FIP1L1: variants seen among roughly 807,000 people sequenced by gnomAD.
The protein encoded by FIP1L1 is factor interacting with PAPOLA and CPSF1.
FIP1L1 carries 21 observed loss-of-function variants against 84.6 expected under a neutral mutation model. The observed-to-expected ratio is 0.25, with a 90% CI of 0.18 to 0.36. FIP1L1 has a LOEUF of 0.36. Ranked by LOEUF, FIP1L1 falls within the 10% of genes least tolerant of loss-of-function variation. The pLI, the probability that FIP1L1 is intolerant of heterozygous loss-of-function variation, is 1.00. For missense variants in FIP1L1, 526 were observed against 751.1 expected, an observed-to-expected ratio of 0.70 and a Z score of 3.50; for synonymous variants, 263 against 242.3, an observed-to-expected ratio of 1.09 and a Z score of -0.80.
At chr4:53,417,790 C>T (rs1302507087) in intron 11 of FIP1L1, among the ~76,000 whole-genome samples, 2 of 109,950 alleles carry the variant, frequency 1.8e-5, no homozygotes, top group East Asian at 6.3e-4. Flanking sequence ...CTCTCTCTCT[C>T]TCTCTCTCTC....
At chr4:53,453,258 C>T in intron 16 of FIP1L1, 125 bp downstream of exon 16, 1 of 1,069,470 alleles carries the variant, frequency 9.4e-7, no homozygotes, top group Non-Finnish European at 1.3e-6. Context: ...ATAGGAAAGC[C>T]ATCTTAAAAT....
chr4:53,392,554 T>C (rs1270343265), intron 9 of FIP1L1, among the ~76,000 whole-genome samples: 1 of 152,256 alleles, frequency 6.6e-6, no homozygotes, highest in African/African-American at 2.4e-5. Context: ...ATTGTCTATA[T>C]AGGCATTGAA....
intron 9 of FIP1L1, among the ~76,000 whole-genome samples, chr4:53,393,966 A>G (rs1745899440): frequency 1.3e-5 from 2 of 151,814 alleles, no homozygotes; most frequent in Admixed American, 6.6e-5. Context: ...ATAATATTGG[A>G]TATCTTCGAA....
At chr4:53,406,983 G>A (rs1042128128) in intron 10 of FIP1L1, among the ~76,000 whole-genome samples, 1 of 152,026 alleles carries the variant, frequency 6.6e-6, no homozygotes, top group Non-Finnish European at 1.5e-5. Flanking sequence ...TTGATTTTTT[G>A]AAGGGTTTTT....
At chr4:53,410,559 A>G (rs962592275) in intron 10 of FIP1L1, among the ~76,000 whole-genome samples, 2 of 152,198 alleles carry the variant, frequency 1.3e-5, no homozygotes, top group African/African-American at 2.4e-5. Context: ...CTTGAATAAG[A>G]AAATTGCTCG....
intron 15 of FIP1L1, among the ~76,000 whole-genome samples, chr4:53,446,417 A>C (rs1056692602): frequency 4.6e-5 from 7 of 152,094 alleles, no homozygotes; most frequent in Non-Finnish European, 8.8e-5. Flanking sequence ...TTATCACCCT[A>C]ATCTCCAACA....
chr4:53,425,876 T>G lies in FIP1L1; in HGVS notation c.928T>G (p.Leu310Val), dbSNP rs1764140216. 1 of 1,608,610 alleles carries G rather than the reference T, an allele frequency of 6.2e-7. No homozygotes were observed. The highest frequency in any genetic ancestry group is 8.5e-7 in the Non-Finnish European group (1 of 1,176,490). Reference protein sequence around the residue: ...GRAESPDLRRLPGAIDVIGQT... With the variant: ...GRAESPDLRRVPGAIDVIGQT... Reference sequence around the variant, plus strand: ...GATTCAATTTTTATGTTACAGGAGATTACCTGGGGCAATTGATGTTATCGG... The same window carrying G: ...GATTCAATTTTTATGTTACAGGAGAGTACCTGGGGCAATTGATGTTATCGG... Residue 310 changes from leucine to valine, a missense_variant, in exon 12 of 18, where the codon TTA becomes GTA. Coordinates refer to ENST00000337488, the MANE Select transcript of FIP1L1 (RefSeq NM_030917.4).
At chr4:53,424,894 AAGTATACAGTAATTT>A (rs1763730010) in intron 11 of FIP1L1, among the ~76,000 whole-genome samples, 1 of 152,220 alleles carries the variant, frequency 6.6e-6, no homozygotes, top group South Asian at 2.1e-4. Flanking sequence ...TGTCTCTAAC[AAGTATACAGTAATTT>A]TTCAGTTTTT....
intron 16 of FIP1L1, among the ~76,000 whole-genome samples, chr4:53,454,390 AT>A (rs1256681183): frequency 6.6e-6 from 1 of 152,230 alleles, no homozygotes; most frequent in Non-Finnish European, 1.5e-5. Flanking sequence ...AAATCACCTA[AT>A]AATGCATTTC....
At chr4:53,432,173 A>T (rs879332456) in intron 13 of FIP1L1, among the ~76,000 whole-genome samples, 9 of 152,050 alleles carry the variant, frequency 5.9e-5, no homozygotes, top group South Asian at 2.1e-4. Context: ...AGGCAGGAAG[A>T]TCACCTGAGG....
intron 14 of FIP1L1, 145 bp from the exon 15 acceptor site, chr4:53,443,903 T>C (rs1273919393): frequency 2.0e-6 from 1 of 511,314 alleles, no homozygotes; most frequent in Admixed American, 3.4e-5. Context: ...CCATGTTTTA[T>C]TAATAAAATT....
intron 15 of FIP1L1, among the ~76,000 whole-genome samples, chr4:53,450,756 T>C (rs62325227): frequency 0.12 from 17,899 of 152,170 alleles, 1,142 homozygotes; most frequent in East Asian, 0.16. Flanking sequence ...TATGTTAATC[T>C]CCCATGATCA....
At chr4:53,408,703 C>A (rs1476571433) in intron 10 of FIP1L1, among the ~76,000 whole-genome samples, 1 of 152,070 alleles carries the variant, frequency 6.6e-6, no homozygotes, top group South Asian at 2.1e-4. Context: ...TCTTTTTATT[C>A]TTTTTTCTCT....
At chr4:53,440,683 G>A (rs866798156) in intron 13 of FIP1L1, 11 of 1,019,042 alleles carry the variant, frequency 1.1e-5, no homozygotes, top group Admixed American at 2.0e-5. Flanking sequence ...CAGGAGAGAC[G>A]GTGTTGATGC....
intron 5 of FIP1L1, among the ~76,000 whole-genome samples, chr4:53,387,677 G>A (rs764652314): frequency 1.3e-5 from 2 of 152,208 alleles, no homozygotes; most frequent in South Asian, 2.1e-4. Context: ...GGTGGAAAGC[G>A]AAGAAGCTCA....
chr4:53,413,477 A>C (rs960689525), intron 10 of FIP1L1, among the ~76,000 whole-genome samples: 1 of 152,038 alleles, frequency 6.6e-6, no homozygotes, highest in Admixed American at 6.6e-5. Flanking sequence ...TTTGAACATC[A>C]CAGGATTCTT....
chr4:53,438,643 A>G (rs1770538773), intron 13 of FIP1L1, among the ~76,000 whole-genome samples: 1 of 152,214 alleles, frequency 6.6e-6, no homozygotes, highest in Admixed American at 6.5e-5. Context: ...TTATGTCTTT[A>G]ATTCCAGTAG....
At chr4:53,379,874 C>T (rs750704068) in intron 3 of FIP1L1, among the ~76,000 whole-genome samples, 1 of 152,162 alleles carries the variant, frequency 6.6e-6, no homozygotes, top group Non-Finnish European at 1.5e-5. Flanking sequence ...CGGCTTTACC[C>T]TGACCACATG....
At chr4:53,443,274 A>C (rs984429050) in intron 14 of FIP1L1, among the ~76,000 whole-genome samples, 2 of 152,158 alleles carry the variant, frequency 1.3e-5, no homozygotes, top group African/African-American at 4.8e-5. Flanking sequence ...CATAGAAATC[A>C]AACAGTGTTG....
Sources: allele counts gnomAD v4.1 joint callset (sites outside exome capture counted in the v4.1 genomes callset), GRCh38; gene constraint gnomAD v4.1.1; transcripts MANE v1.5; gene names NCBI Gene and HGNC (gene_info 2026-07-23, HGNC 2026-07-21).